INPPL1: variants seen among roughly 807,000 people sequenced by gnomAD.
INPPL1 encodes phosphatidylinositol 3,4,5-trisphosphate 5-phosphatase 2.
Under a neutral mutation model 139.3 loss-of-function variants are expected in INPPL1, and 91 were observed. The observed-to-expected ratio is 0.65, with a 90% confidence interval of 0.55 to 0.78. The LOEUF is 0.78. Among genes scored for constraint, INPPL1 ranks in the 30% least tolerant of loss-of-function variants. The pLI, the probability that INPPL1 is intolerant of heterozygous loss-of-function variation, is 0.00. For synonymous variants in INPPL1, 719 were observed against 686.6 expected (o/e 1.05, Z -0.74); for missense variants, 1,411 against 1,665.6 (o/e 0.85, Z 2.66).
intron 1 of INPPL1, among the ~76,000 whole-genome samples, chr11:72,225,833 G>T (rs960154645): frequency 6.6e-6 from 1 of 152,206 alleles, no homozygotes; most frequent in African/African-American, 2.4e-5. Flanking sequence ...TGAGAGCAGA[G>T]CCAGACTTGG....
rs1007909989 is a variant in INPPL1 at position 72,225,506 on chromosome 11, G to A, written c.182+340G>A. On this transcript the variant is annotated intron_variant, in intron 1 of 27. Coordinates refer to ENST00000298229, the MANE Select transcript of INPPL1 (RefSeq NM_001567.4). ...GCAGGGGAGAGGATGTGCATTCCAC[G>A]TTGTGTGCAGTCCCGTTTGGATAGG... The A allele has an allele frequency of 5.1e-6, 5 of 985,286 alleles. No individual in the cohort carries two copies. The African/African-American group carries it at 7.0e-5, about 14-fold the overall frequency. The allele number at this position is 985,286 out of a possible 1,614,324, so 61.0% of individuals were successfully genotyped here. A position where few individuals can be genotyped will look rare whatever the true frequency, so the allele number is the denominator to read the frequency against.
Position 72,224,797 on chromosome 11 carries a change from G to A in INPPL1, c.-188G>A. The A allele has an allele frequency of 4.8e-6, 1 of 209,936 alleles. No individual in the cohort carries two copies. The allele number at this position is 209,936 out of a possible 1,614,324, so 13.0% of individuals were successfully genotyped here. On this transcript the variant is annotated 5_prime_UTR_variant, in exon 1 of 28. Coordinates refer to ENST00000298229, the MANE Select transcript of INPPL1 (RefSeq NM_001567.4). ...TCTTCAAGTTGAGGCCGGCGCTGCA[G>A]GCAGCGGCGGCTGCGCGGTGAACGA...
rs776333043 is a variant in INPPL1, at chr11:72,230,344, C to T, written c.1091-18C>T. 3.7e-6 allele frequency: 6 copies of T among 1,613,742 alleles called. No homozygotes were observed. Among genetic ancestry groups the T allele is most frequent in the South Asian group, 1.1e-5 (1 of 91,042 alleles). Reference sequence around the variant, plus strand: ...GCCTAGGGGCACAGGCCCATGTGACCGGTCCTCCATGCCCTAGTCCGCCAG... The same window carrying T: ...GCCTAGGGGCACAGGCCCATGTGACTGGTCCTCCATGCCCTAGTCCGCCAG... On this transcript the variant is annotated intron_variant, in intron 9 of 27. Coordinates refer to ENST00000298229, the MANE Select transcript of INPPL1 (RefSeq NM_001567.4).
In INPPL1 at chr11:72,237,508, A is replaced by C. The variant is rs773743308; in HGVS notation, c.3264A>C (p.Pro1088=). The change falls in exon 26 of 28, where the codon CCA becomes CCC. Residue 1088 remains proline (P), a synonymous_variant. Coordinates refer to ENST00000298229, the MANE Select transcript of INPPL1 (RefSeq NM_001567.4). ...RGRGGAEARG[P]PPPKAHPRPP... The stretch of plus-strand genomic sequence containing the variant: ...GTGGTGGGGCTGAGGCCCGTGGCCC[A>C]CCACCTCCCAAGGCCCATCCAAGGC... 6.2e-7 allele frequency: 1 copy of C among 1,608,690 alleles called. No homozygotes were observed. Among genetic ancestry groups the C allele is most frequent in the Non-Finnish European group, 8.5e-7 (1 of 1,176,918 alleles).
chr11:72,238,661 G>T lies in INPPL1; in HGVS notation c.*308G>T. The T allele has an allele frequency of 4.3e-6, 1 of 231,154 alleles. No homozygotes were observed. Among genetic ancestry groups the T allele is most frequent in the Non-Finnish European group, 8.4e-6 (1 of 119,460 alleles). The allele number at this position is 231,154 out of a possible 1,614,324, so 14.3% of individuals were successfully genotyped here. Reference sequence around the variant, plus strand: ...GCCTCCCAGCCCCAGGGGTGCCTGTGGGGGTCCATTTGGGTACGTCTGGGC... The same window carrying T: ...GCCTCCCAGCCCCAGGGGTGCCTGTTGGGGTCCATTTGGGTACGTCTGGGC... On this transcript the variant is annotated 3_prime_UTR_variant, in exon 28 of 28. Coordinates refer to ENST00000298229, the MANE Select transcript of INPPL1 (RefSeq NM_001567.4).
intron 1 of INPPL1, among the ~76,000 whole-genome samples, chr11:72,226,936 G>A (rs1948691889): frequency 6.6e-6 from 1 of 152,106 alleles, no homozygotes; most frequent in Admixed American, 6.5e-5. Flanking sequence ...TGTGAATGGG[G>A]TGAGGGGTCT....
chr11:72,229,849 C>G, intron 7 of INPPL1, 75 bp from the exon 8 acceptor site: 1 of 1,561,114 alleles, frequency 6.4e-7, no homozygotes, highest in Non-Finnish European at 8.8e-7. Flanking sequence ...ACATTGGCCC[C>G]AAGGTCAATT....
rs1555076407 is a variant in INPPL1, at chr11:72,231,090, C to T, written c.1398C>T (p.Ile466=). The part of the protein sequence containing the change: ...DEVTVTIPHD[I]YVFGTQENSV... ...TCACAGTGACCATACCCCATGACATCTATGTCTTTGGGACCCAGGAGAACT... is the reference window on the plus strand; with the variant it reads ...TCACAGTGACCATACCCCATGACATTTATGTCTTTGGGACCCAGGAGAACT... Residue 466 remains isoleucine, a synonymous_variant, in exon 12 of 28, where the codon ATC becomes ATT. Coordinates refer to ENST00000298229, the MANE Select transcript of INPPL1 (RefSeq NM_001567.4). 2 of 1,614,072 alleles carry T rather than the reference C, an allele frequency of 1.2e-6. No homozygotes were observed.
At chr11:72,233,601 A>T in intron 18 of INPPL1, 54 bp from the exon 19 acceptor site, 1 of 1,605,988 alleles carries the variant, frequency 6.2e-7, no homozygotes, top group East Asian at 2.2e-5. Flanking sequence ...GGGAGGTGGG[A>T]GCCGAGGGTG....
In INPPL1 at chr11:72,237,447, G is replaced by C. The variant is rs1441023536; in HGVS notation, c.3203G>C (p.Ser1068Thr). The part of the protein sequence containing the change: ...LPDSAIFLPP[S>T]LDPLPGPVVR... ...GACTCAGCCATCTTCCTGCCCCCCA[G>C]CCTGGATCCTTTACCAGGGCCAGTG... Residue 1068 changes from serine (S) to threonine (T), a missense_variant, in exon 26 of 28, where the codon AGC (serine) becomes ACC (threonine). Coordinates refer to ENST00000298229, the MANE Select transcript of INPPL1 (RefSeq NM_001567.4). 1 of 1,610,454 alleles carries C rather than the reference G, an allele frequency of 6.2e-7. No individual in the cohort carries two copies. The highest frequency in any genetic ancestry group is 8.5e-7 in the Non-Finnish European group (1 of 1,177,790).
Position 72,237,477 on chromosome 11 carries a change from G to C in INPPL1, c.3233G>C (p.Arg1078Pro). The change falls in exon 26 of 28, where the codon CGG becomes CCG. Residue 1078 changes from arginine to proline, a missense_variant. By Grantham distance (103) the Arg-to-Pro change is moderately radical. This residue lies in a region of INPPL1 where 438 missense variants were observed against 425.7 expected (regional missense o/e 1.03). Coordinates refer to ENST00000298229, the MANE Select transcript of INPPL1 (RefSeq NM_001567.4). ...SLDPLPGPVV[R>P]GRGGAEARGP... ...GATCCTTTACCAGGGCCAGTGGTCC[G>C]GGGCCGTGGTGGGGCTGAGGCCCGT... The C allele has an allele frequency of 6.2e-7, 1 of 1,610,102 alleles. No individual in the cohort carries two copies. Among genetic ancestry groups the C allele is most frequent in the Non-Finnish European group, 8.5e-7 (1 of 1,177,652 alleles).
At chr11:72,225,604 C>T (rs1948648914) in intron 1 of INPPL1, 1 of 861,902 alleles carries the variant, frequency 1.2e-6, no homozygotes, top group African/African-American at 1.8e-5. Context: ...CTGGCAGCTT[C>T]CTTAGGGCCC....
In INPPL1 at chr11:72,238,789, C is replaced by T. The variant is rs371837004; in HGVS notation, c.*436C>T. The T allele has an allele frequency of 1.6e-3, 248 of 153,710 alleles. No homozygotes were observed. The highest frequency in any genetic ancestry group is 5.7e-3 in the African/African-American group (238 of 41,574). The allele number at this position is 153,710 out of a possible 1,614,324, so 9.5% of individuals were successfully genotyped here. On this transcript the variant is annotated 3_prime_UTR_variant, in exon 28 of 28. Coordinates refer to ENST00000298229, the MANE Select transcript of INPPL1 (RefSeq NM_001567.4). ...CCCGCTGGGGGTGGGGGCGGGTGTC[C>T]GTCCGGAAATGAAGGAATAGCCCGA...
Position 72,235,516 on chromosome 11 carries a change from G to A in INPPL1, c.2659+65G>A. On this transcript the variant is annotated intron_variant, in intron 23 of 27. Transcript: ENST00000298229. The surrounding 1 kb of genome is among the most constrained non-coding windows in gnomAD (Gnocchi z 4.9). Reference sequence around the variant, plus strand: ...CAGATCAAGGAGGGCAGGGTGCGGGGGGCATGTTGGAATCTCTGGGATACC... The same window carrying A: ...CAGATCAAGGAGGGCAGGGTGCGGGAGGCATGTTGGAATCTCTGGGATACC... 3 of 1,577,690 alleles carry A rather than the reference G, an allele frequency of 1.9e-6. No individual in the cohort carries two copies. Among genetic ancestry groups the A allele is most frequent in the South Asian group, 2.3e-5 (2 of 87,432 alleles).
Position 72,235,094 on chromosome 11 carries a change from A to G in INPPL1, c.2416-22A>G. 3 of 1,602,914 alleles carry G rather than the reference A, an allele frequency of 1.9e-6. No homozygotes were observed. The highest frequency in any genetic ancestry group is 2.6e-6 in the Non-Finnish European group (3 of 1,172,534). ...AGGAAGTGGCGGGGCTTTGTTCCTC[A>G]CTGGGCCTCCCTGCTTCCCAGCTCA... On this transcript the variant is annotated intron_variant, in intron 21 of 27. Transcript: ENST00000298229. This position sits in a 1 kb window ranked among gnomAD's most constrained non-coding sequence, Gnocchi z 4.9.
chr11:72,228,157 G>A lies in INPPL1; in HGVS notation c.183-33G>A. 6.2e-7 allele frequency: 1 copy of A among 1,613,166 alleles called. No individual in the cohort carries two copies. Among genetic ancestry groups the A allele is most frequent in the Non-Finnish European group, 8.5e-7 (1 of 1,179,202 alleles). On this transcript the variant is annotated intron_variant, in intron 1 of 27. Transcript: ENST00000298229. The surrounding 1 kb of genome is among the most constrained non-coding windows in gnomAD (Gnocchi z 5.0). Reference sequence around the variant, plus strand: ...CTTTGGGTCTTAGACCCCAGCCTGGGGGTGACAGATTCTGGCCCTGCCTTG... The same window carrying A: ...CTTTGGGTCTTAGACCCCAGCCTGGAGGTGACAGATTCTGGCCCTGCCTTG...
chr11:72,237,565 C>A lies in INPPL1; in HGVS notation c.3321C>A (p.Ser1107Arg). The A allele has an allele frequency of 6.3e-7, 1 of 1,598,162 alleles. No homozygotes were observed. The highest frequency in any genetic ancestry group is 1.1e-5 in the South Asian group (1 of 89,946). ...PPLPPGPSPA[S>R]TFLGEVASGD... ...TGCCCCCAGGCCCCTCACCAGCCAG[C>A]ACTTTCCTGGGGGAAGTGGCCAGTG... Residue 1107 changes from serine to arginine, a missense_variant, in exon 26 of 28, where the codon AGC (serine) becomes AGA (arginine). Around this residue, in one of 5 missense-constraint regions of INPPL1, gnomAD observed 438 missense variants for 425.7 expected, o/e 1.03. Transcript: ENST00000298229.
chr11:72,224,970 A>T lies in INPPL1; in HGVS notation c.-15A>T. ...GGGGCGGCGGGGGCGGGCGGTGCTG[A>T]GCCCTGCGCGGGCCATGGCCTCGGC... is the stretch of plus-strand genomic sequence containing the variant. On this transcript the variant is annotated 5_prime_UTR_variant, in exon 1 of 28. An upstream open reading frame in the 5' UTR loses its in-frame stop. Transcript: ENST00000298229. The T allele has an allele frequency of 8.8e-7, 1 of 1,133,362 alleles. No homozygotes were observed. 70.2% of individuals were successfully genotyped at this position (1,133,362 alleles called of 1,614,324 possible).
intron 25 of INPPL1, among the ~76,000 whole-genome samples, chr11:72,236,236 T>C (rs1489716068): frequency 6.6e-6 from 1 of 152,234 alleles, no homozygotes; most frequent in East Asian, 1.9e-4. Context: ...AAATTGTTTC[T>C]AAGACAGCTC....
Sources: gnomAD v4.1 joint callset for allele counts (sites outside exome capture counted in the v4.1 genomes callset) on GRCh38, gnomAD v4.1.1 for gene constraint, gnomAD v4.1.1 regional missense constraint, Gnocchi (gnomAD v3.1) non-coding constraint, MANE v1.5 for transcripts, NCBI Gene and HGNC (gene_info 2026-07-23, HGNC 2026-07-21) for gene names.